NUFIP1: variants seen among roughly 807,000 people sequenced by gnomAD.
NUFIP1 encodes nuclear FMR1 interacting protein 1.
In NUFIP1, 38 loss-of-function variants were observed where a neutral mutation model predicts 56.2. That is an observed-to-expected ratio of 0.68 (90% CI 0.52 to 0.89). The LOEUF (loss-of-function observed/expected upper bound fraction) is 0.89. Ranked by LOEUF, NUFIP1 falls within the 40% of genes least tolerant of loss-of-function variation. The pLI, the probability that NUFIP1 is intolerant of heterozygous loss-of-function variation, is 0.00. For synonymous variants in NUFIP1, 215 were observed against 212.4 expected (o/e 1.01, Z -0.10); for missense variants, 567 against 605.8 (o/e 0.94, Z 0.67).
At chr13:44,979,790 A>T in intron 4 of NUFIP1, 100 bp downstream of exon 4, 1 of 756,582 alleles carries the variant, frequency 1.3e-6, no homozygotes, top group Non-Finnish European at 2.1e-6. Context: ...GTACTCCATT[A>T]GTGTTACCTA....
rs893642998 is a variant in NUFIP1, at chr13:44,980,067, T to G, written c.595-115A>C. On this transcript the variant is annotated intron_variant, in intron 3 of 9. Transcript: ENST00000379161. ...CTGTATTACATAGTTATCCCATCTG[T>G]ATAGTATTATCTCTGCATACAAAAA... is the stretch of plus-strand genomic sequence containing the variant. 8.1e-5 allele frequency: 56 copies of G among 692,566 alleles called. No individual in the cohort carries two copies. The African/African-American group carries it at 9.4e-4, about 12-fold the overall frequency. 42.9% of individuals were successfully genotyped at this position (692,566 alleles called of 1,614,324 possible). A position where few individuals can be genotyped will look rare whatever the true frequency, so the allele number is the denominator to read the frequency against.
intron 5 of NUFIP1, 27 bp from the exon 6 acceptor site, chr13:44,965,963 A>G: frequency 7.3e-7 from 1 of 1,371,202 alleles, no homozygotes. Context: ...GTTAATTATA[A>G]TAGGGCTTTT....
intron 7 of NUFIP1, among the ~76,000 whole-genome samples, chr13:44,956,004 G>T (rs1269820483): frequency 2.0e-5 from 3 of 151,740 alleles, no homozygotes; most frequent in African/African-American, 2.4e-5. Context: ...TTAGCCGGGC[G>T]AGGTGGCGGG....
chr13:44,953,656 G>C (rs1372844128), intron 7 of NUFIP1, among the ~76,000 whole-genome samples: 1 of 151,874 alleles, frequency 6.6e-6, no homozygotes, highest in Non-Finnish European at 1.5e-5. Context: ...CATTTTTTTA[G>C]CATTTTCTTA....
intron 5 of NUFIP1, among the ~76,000 whole-genome samples, chr13:44,975,997 T>A (rs1279689168): frequency 6.6e-6 from 1 of 152,208 alleles, no homozygotes. Context: ...AACTTTTAAG[T>A]TGCTTTACAA....
rs1429988154 is a variant in NUFIP1 at position 44,979,237 on chromosome 13, C to T, written c.687G>A (p.Lys229=). The change falls in exon 5 of 10, where the codon AAG becomes AAA. Residue 229 remains lysine (K), a synonymous_variant. Coordinates refer to ENST00000379161, the MANE Select transcript of NUFIP1 (RefSeq NM_012345.3). ...GTGCAATTTCCTCTGGAGTGTCTAA[C>T]TTGATCTTCTTCATGCCAGGAGCAT... ...NMHAPGMKKI[K]LDTPEEIARW... is the part of the protein sequence containing the mutation. 1.2e-6 allele frequency: 2 copies of T among 1,613,546 alleles called. No homozygotes were observed. Among genetic ancestry groups the T allele is most frequent in the Non-Finnish European group, 1.7e-6 (2 of 1,179,822 alleles).
chr13:44,961,964 CTGTTA>C (rs1158734913), intron 6 of NUFIP1, among the ~76,000 whole-genome samples: 2 of 152,144 alleles, frequency 1.3e-5, no homozygotes, highest in African/African-American at 4.8e-5. Flanking sequence ...GGGAGTAGTT[CTGTTA>C]TACCACGACT....
Position 44,959,502 on chromosome 13 carries a change from T to C in NUFIP1, c.900A>G (p.Lys300=). The C allele has an allele frequency of 5.0e-6, 8 of 1,614,160 alleles. No individual in the cohort carries two copies. Among genetic ancestry groups the C allele is most frequent in the Non-Finnish European group, 6.8e-6 (8 of 1,180,018 alleles). ...IRSPGKNHKW[K]NDNSRQRAVT... Reference sequence around the variant, plus strand: ...CTGCTCTCTGTCTAGAATTGTCGTTTTTCCATTTGTGATTCTTGCCAGGAC... The same window carrying C: ...CTGCTCTCTGTCTAGAATTGTCGTTCTTCCATTTGTGATTCTTGCCAGGAC... Residue 300 remains lysine, a synonymous_variant, in exon 7 of 10, where the codon AAA becomes AAG. Coordinates refer to ENST00000379161, the MANE Select transcript of NUFIP1 (RefSeq NM_012345.3).
At chr13:44,986,381 T>C (rs565079444) in intron 1 of NUFIP1, among the ~76,000 whole-genome samples, 5 of 152,228 alleles carry the variant, frequency 3.3e-5, no homozygotes, top group Admixed American at 2.0e-4. Context: ...TAGTAGAAAC[T>C]GCAAGAGAAC....
intron 6 of NUFIP1, 36 bp from the exon 7 acceptor site, chr13:44,959,610 G>T (rs375832199): frequency 6.4e-7 from 1 of 1,551,602 alleles, no homozygotes; most frequent in South Asian, 1.2e-5. Flanking sequence ...AATATAAAAG[G>T]CACTGACCTT....
chr13:44,948,120 A>G (rs1053777774), intron 8 of NUFIP1, among the ~76,000 whole-genome samples: 4 of 149,696 alleles, frequency 2.7e-5, no homozygotes, highest in Non-Finnish European at 5.9e-5. Flanking sequence ...AAGTGCTGCC[A>G]TCTCCATCAA....
chr13:44,978,770 C>G (rs1400173581), intron 5 of NUFIP1, among the ~76,000 whole-genome samples: 1 of 152,172 alleles, frequency 6.6e-6, no homozygotes, highest in Admixed American at 6.5e-5. Flanking sequence ...ACTTCAAACT[C>G]CTTTGAGCAG....
At chr13:44,955,375 C>T (rs1192282103) in intron 7 of NUFIP1, among the ~76,000 whole-genome samples, 2 of 152,106 alleles carry the variant, frequency 1.3e-5, no homozygotes, top group South Asian at 2.1e-4. Flanking sequence ...AAATACAATA[C>T]AGAAAAGGTG....
chr13:44,954,451 C>G (rs938334563), intron 7 of NUFIP1, among the ~76,000 whole-genome samples: 20 of 152,114 alleles, frequency 1.3e-4, no homozygotes. Flanking sequence ...TAGTGGATTA[C>G]AGTGCTGGGT....
At chr13:44,941,545 G>A (rs144226332) in intron 9 of NUFIP1, among the ~76,000 whole-genome samples, 54 of 152,216 alleles carry the variant, frequency 3.5e-4, no homozygotes, top group South Asian at 2.7e-3. Context: ...ACGGAGTCTC[G>A]CTCTGTTGCC....
At chr13:44,979,369 TA>T in intron 4 of NUFIP1, 103 bp from the exon 5 acceptor site, 2 of 817,148 alleles carry the variant, frequency 2.4e-6, no homozygotes, top group Non-Finnish European at 3.9e-6. Context: ...GACACAATTT[TA>T]AAACCAAGTA....
intron 1 of NUFIP1, among the ~76,000 whole-genome samples, chr13:44,987,594 T>A (rs180861365): frequency 6.6e-6 from 1 of 151,672 alleles, no homozygotes; most frequent in African/African-American, 2.4e-5. Flanking sequence ...AAAAAAAAAA[T>A]AATTGTGTGA....
At chr13:44,976,417 G>A (rs573929778) in intron 5 of NUFIP1, among the ~76,000 whole-genome samples, 1 of 151,516 alleles carries the variant, frequency 6.6e-6, no homozygotes, top group Admixed American at 6.6e-5. Context: ...AGAGGAAGAA[G>A]AGAAGAGGAG....
At chr13:44,986,891 T>C (rs1011666258) in intron 1 of NUFIP1, among the ~76,000 whole-genome samples, 1 of 152,096 alleles carries the variant, frequency 6.6e-6, no homozygotes, top group South Asian at 2.1e-4. Flanking sequence ...ATAAACTTAG[T>C]TGATAAAGTA....
Sources: gnomAD v4.1 joint callset for allele counts (sites outside exome capture counted in the v4.1 genomes callset) on GRCh38, gnomAD v4.1.1 for gene constraint, MANE v1.5 for transcripts, NCBI Gene and HGNC (gene_info 2026-07-23, HGNC 2026-07-21) for gene names.